Variants in PHIP observed in about 807,000 individuals in gnomAD.
PHIP encodes the protein PHIP subunit of CUL4-Ring ligase complex.
PHIP carries 54 observed loss-of-function variants against 236.8 expected under a neutral mutation model. The ratio of observed to expected loss-of-function variants is 0.23; its 90% confidence interval spans 0.18 to 0.29. PHIP has a LOEUF of 0.29. Ranked by LOEUF, PHIP falls within the 10% of genes least tolerant of loss-of-function variation. The pLI, the probability that PHIP is intolerant of heterozygous loss-of-function variation, is 1.00. For missense variants in PHIP, 1,370 were observed against 2,190.8 expected, an observed-to-expected ratio of 0.63 and a Z score of 7.48; for synonymous variants, 756 against 718.9, an observed-to-expected ratio of 1.05 and a Z score of -0.83.
chr6:78,941,246 C>G lies in PHIP; in HGVS notation c.4913G>C (p.Gly1638Ala). Residue 1638 changes from glycine to alanine, a missense_variant, in exon 40 of 40, where the codon GGA becomes GCA. Around this residue, in one of 14 missense-constraint regions of PHIP, gnomAD observed 309 missense variants for 328.3 expected, o/e 0.94. Coordinates refer to ENST00000275034, the MANE Select transcript of PHIP (RefSeq NM_017934.7). ...GGQPSKLVKR[G>A]PGRKPKVEVN... ...TTCTACTTTAGGTTTCCTTCCAGGT[C>G]CCCTCTTCACAAGTTTTGATGGCTG... 1 of 1,613,452 alleles carries G rather than the reference C, an allele frequency of 6.2e-7. No individual in the cohort carries two copies. The highest frequency in any genetic ancestry group is 8.5e-7 in the Non-Finnish European group (1 of 1,179,466).
At chr6:78,942,356 G>A (rs1053881227) in intron 39 of PHIP, among the ~76,000 whole-genome samples, 3 of 152,186 alleles carry the variant, frequency 2.0e-5, no homozygotes, top group African/African-American at 7.2e-5. Flanking sequence ...GGTGGTGGGT[G>A]CCTGTAATCC....
chr6:79,010,437 G>A (rs1046848367), intron 15 of PHIP, among the ~76,000 whole-genome samples: 1 of 151,426 alleles, frequency 6.6e-6, no homozygotes, highest in Non-Finnish European at 1.5e-5. Context: ...AAGGTTAAGA[G>A]AACAATTATA....
intron 9 of PHIP, among the ~76,000 whole-genome samples, chr6:79,024,566 A>G (rs538181326): frequency 6.6e-6 from 1 of 152,306 alleles, no homozygotes; most frequent in South Asian, 2.1e-4. Flanking sequence ...ACACTTTGGG[A>G]GGCCGAGGTG....
chr6:78,991,923 G>A (rs1383843679), intron 19 of PHIP, among the ~76,000 whole-genome samples: 1 of 150,220 alleles, frequency 6.7e-6, no homozygotes, highest in Non-Finnish European at 1.5e-5. Flanking sequence ...AGAAATAACA[G>A]CGATTATTTG....
chr6:79,074,550 T>C (rs1774057463), intron 4 of PHIP, among the ~76,000 whole-genome samples: 1 of 152,086 alleles, frequency 6.6e-6, no homozygotes, highest in South Asian at 2.1e-4. Flanking sequence ...TTTTAAAAAA[T>C]GTAAAATCTA....
At chr6:79,065,577 C>T (rs1773581713) in intron 4 of PHIP, among the ~76,000 whole-genome samples, 1 of 152,104 alleles carries the variant, frequency 6.6e-6, no homozygotes. Context: ...AATGTAACTT[C>T]CTTTGTTTTT....
At chr6:79,031,962 G>T (rs948782240) in intron 7 of PHIP, among the ~76,000 whole-genome samples, 1 of 152,094 alleles carries the variant, frequency 6.6e-6, no homozygotes, top group Admixed American at 6.5e-5. Context: ...CCTAGATACC[G>T]CAGGCTCAGT....
rs1773418068 is a variant in PHIP at position 78,940,222 on chromosome 6, A to C, written c.*471T>G. The C allele has an allele frequency of 6.6e-6, 1 of 151,914 alleles. No individual in the cohort carries two copies. The highest frequency in any genetic ancestry group is 2.4e-5 in the African/African-American group (1 of 41,398). 9.4% of individuals were successfully genotyped at this position (151,914 alleles called of 1,614,324 possible). A position where few individuals can be genotyped will look rare whatever the true frequency, so the allele number is the denominator to read the frequency against. On this transcript the variant is annotated 3_prime_UTR_variant, in exon 40 of 40. Coordinates refer to ENST00000275034, the MANE Select transcript of PHIP (RefSeq NM_017934.7). ...AGGAAACATTTCTTAATTCACTGCT[A>C]CTCTGTATAACATCTATCTTTTAGG... is the stretch of plus-strand genomic sequence containing the variant.
intron 7 of PHIP, among the ~76,000 whole-genome samples, chr6:79,035,642 G>A (rs1364082746): frequency 6.6e-6 from 1 of 152,162 alleles, no homozygotes; most frequent in African/African-American, 2.4e-5. Flanking sequence ...CAGCTTTTGA[G>A]TCAGAGATCT....
At chr6:79,041,415 T>C (rs1340069728) in intron 7 of PHIP, among the ~76,000 whole-genome samples, 1 of 152,126 alleles carries the variant, frequency 6.6e-6, no homozygotes, top group Non-Finnish European at 1.5e-5. Flanking sequence ...TCATAAAATA[T>C]GATAAACAAA....
At chr6:78,992,136 G>T (rs1318833314) in intron 19 of PHIP, among the ~76,000 whole-genome samples, 1 of 151,464 alleles carries the variant, frequency 6.6e-6, no homozygotes, top group Non-Finnish European at 1.5e-5. Flanking sequence ...CTAATTTTTT[G>T]TATTTTTAGT....
At position 78,934,511 on chromosome 6, in the gene PHIP, T is replaced by A. The variant is rs1036303567; in HGVS notation, c.*6182A>T. On this transcript the variant is annotated 3_prime_UTR_variant, in exon 40 of 40. Transcript: ENST00000275034. Reference sequence around the variant, plus strand: ...ATACAATAGTGTGTTGTAAAAACATTAAAAGTCCTTCTGCTAAGGGTTCAG... The same window carrying A: ...ATACAATAGTGTGTTGTAAAAACATAAAAAGTCCTTCTGCTAAGGGTTCAG... 6.6e-6 allele frequency among the ~76,000 whole-genome samples: 1 copy of A among 152,174 alleles called. No individual in the cohort carries two copies. The highest frequency in any genetic ancestry group is 6.5e-5 in the Admixed American group (1 of 15,272).
At chr6:78,942,103 T>C (rs1773535182) in intron 39 of PHIP, among the ~76,000 whole-genome samples, 1 of 152,178 alleles carries the variant, frequency 6.6e-6, no homozygotes, top group Admixed American at 6.5e-5. Context: ...TTTGAGGAAA[T>C]TCATAGATGG....
At chr6:78,997,264 T>C (rs563369657) in intron 19 of PHIP, 150 bp downstream of exon 19, 1 of 523,238 alleles carries the variant, frequency 1.9e-6, no homozygotes, top group South Asian at 3.2e-5. Context: ...TTTTAGAAAC[T>C]TAATTTTTCT....
chr6:79,015,677 G>A lies in PHIP; in HGVS notation c.1342C>T (p.Leu448=), dbSNP rs1770801658. 1.2e-6 allele frequency: 2 copies of A among 1,609,070 alleles called. No individual in the cohort carries two copies. The highest frequency in any genetic ancestry group is 1.7e-6 in the Non-Finnish European group (2 of 1,176,192). Residue 448 remains leucine (L), a synonymous_variant, in exon 14 of 40, where the codon CTG becomes TTG. Transcript: ENST00000275034. Reference sequence around the variant, plus strand: ...CCAGTGTAAGAATTCCAAACTTTCAGAGTCATGTTATTAACTGCAGTTATA... The same window carrying A: ...CCAGTGTAAGAATTCCAAACTTTCAAAGTCATGTTATTAACTGCAGTTATA... ...TVITAVNNMT[L]KVWNSYTGQL... is the part of the protein sequence containing the mutation.
At chr6:78,971,361 T>C (rs1021133950) in intron 24 of PHIP, among the ~76,000 whole-genome samples, 2 of 152,220 alleles carry the variant, frequency 1.3e-5, no homozygotes, top group Admixed American at 6.5e-5. Context: ...CAAATTTAAG[T>C]GACTCCTGAC....
intron 27 of PHIP, among the ~76,000 whole-genome samples, chr6:78,967,380 C>T (rs991294146): frequency 6.6e-6 from 1 of 152,134 alleles, no homozygotes; most frequent in Non-Finnish European, 1.5e-5. Context: ...TATCTTATGA[C>T]CCTACACAGA....
At chr6:79,015,038 TC>T (rs763436660) in intron 15 of PHIP, 43 bp downstream of exon 15, 9 of 1,540,096 alleles carry the variant, frequency 5.8e-6, no homozygotes, top group Middle Eastern at 1.7e-4. Context: ...GTCAAAAAGC[TC>T]CCAAATCTTT....
At chr6:79,067,477 A>G (rs1264068157) in intron 4 of PHIP, among the ~76,000 whole-genome samples, 1 of 152,210 alleles carries the variant, frequency 6.6e-6, no homozygotes, top group Non-Finnish European at 1.5e-5. Flanking sequence ...ATCATGTTAT[A>G]TTATTTAGAG....
Sources: allele counts gnomAD v4.1 joint callset (sites outside exome capture counted in the v4.1 genomes callset), GRCh38; gene constraint gnomAD v4.1.1; regional missense constraint gnomAD v4.1.1; transcripts MANE v1.5; gene names NCBI Gene and HGNC (gene_info 2026-07-23, HGNC 2026-07-21).